The following CDH4 variants were observed in gnomAD, a reference collection of about 807,000 sequenced individuals.
The protein encoded by CDH4 is cadherin-4.
In CDH4, 33 loss-of-function variants were observed where a neutral mutation model predicts 86.0. The ratio of observed to expected loss-of-function variants is 0.38; its 90% CI spans 0.29 to 0.51. CDH4 has a LOEUF of 0.51. Ranked by LOEUF, CDH4 falls within the 20% of genes least tolerant of loss-of-function variation. CDH4 has a pLI of 0.86. For synonymous variants in CDH4, 555 were observed against 549.4 expected, an observed-to-expected ratio of 1.01 and a Z score of -0.14; for missense variants, 1,114 against 1,307.4, an observed-to-expected ratio of 0.85 and a Z score of 2.28.
intron 2 of CDH4, among the ~76,000 whole-genome samples, chr20:61,741,112 G>A (rs2088326966): frequency 6.6e-6 from 1 of 152,192 alleles, no homozygotes; most frequent in Non-Finnish European, 1.5e-5. Flanking sequence ...GGGAGGCTGA[G>A]GCAGAAGAAT....
chr20:61,317,156 A>G (rs1481054680), intron 2 of CDH4, among the ~76,000 whole-genome samples: 1 of 152,020 alleles, frequency 6.6e-6, no homozygotes, highest in Non-Finnish European at 1.5e-5. Flanking sequence ...AGGTGGGTGG[A>G]TCACGAGGTG....
At chr20:61,924,261 A>T in intron 10 of CDH4, 73 bp from the exon 11 acceptor site, 1 of 1,478,446 alleles carries the variant, frequency 6.8e-7, no homozygotes, top group Non-Finnish European at 9.3e-7. Context: ...AGGTGTGGCC[A>T]AGGAGGCCTG....
chr20:61,654,135 A>G (rs2145821162), intron 2 of CDH4, among the ~76,000 whole-genome samples: 1 of 152,280 alleles, frequency 6.6e-6, no homozygotes, highest in African/African-American at 2.4e-5. Flanking sequence ...CCTGGGCACC[A>G]TTGAGCACTG....
At chr20:61,375,937 G>GTTTGTTGA (rs1568819218) in intron 2 of CDH4, among the ~76,000 whole-genome samples, 1 of 12,008 alleles carries the variant, frequency 8.3e-5, no homozygotes. Flanking sequence ...GGTGATGATG[G>GTTTGTTGA]TGGTGCTGGT....
At chr20:61,607,792 C>G (rs2086656530) in intron 2 of CDH4, among the ~76,000 whole-genome samples, 1 of 152,186 alleles carries the variant, frequency 6.6e-6, no homozygotes, top group Non-Finnish European at 1.5e-5. Flanking sequence ...GGGAAGGTTT[C>G]TGCAGGAATA....
At chr20:61,592,129 C>T (rs1290732574) in intron 2 of CDH4, among the ~76,000 whole-genome samples, 1 of 151,990 alleles carries the variant, frequency 6.6e-6, no homozygotes, top group East Asian at 1.9e-4. Context: ...CAACTCAAAA[C>T]AGTGGTTCAG....
intron 3 of CDH4, among the ~76,000 whole-genome samples, chr20:61,752,329 CAAAAAAAAAAAA>C (rs34828485): frequency 1.2e-5 from 1 of 83,144 alleles, no homozygotes; most frequent in East Asian, 3.5e-4. Flanking sequence ...AAAAGCCTGT[CAAAAAAAAAAAA>C]AAAAAAAAAG....
At chr20:61,553,639 C>G (rs1226685871) in intron 2 of CDH4, among the ~76,000 whole-genome samples, 1 of 152,212 alleles carries the variant, frequency 6.6e-6, no homozygotes. Context: ...TTCCAAATGG[C>G]AGCACAGATA....
At chr20:61,867,561 AAG>A (rs33910207) in intron 6 of CDH4, among the ~76,000 whole-genome samples, 20,447 of 141,928 alleles carry the variant, frequency 0.14, 1,573 homozygotes, top group East Asian at 0.25. Flanking sequence ...AAAAAAAAAA[AAG>A]AGAGAGAGAG....
rs116312928 is a variant in CDH4 at position 61,854,738 on chromosome 20, C to T, written c.877+1840C>T. On this transcript the variant is annotated intron_variant, in intron 6 of 15. Transcript: ENST00000614565. ...AACAGGGTGAATTGTGCCCTTGGTC[C>T]GTCCCCAGGGCTGTAGTGTGAACAG... 2.7e-3 allele frequency among the ~76,000 whole-genome samples: 379 copies of T among 139,354 alleles called. 5 individuals carry two copies. The highest frequency in any genetic ancestry group is 0.01 in the African/African-American group (364 of 36,248). The allele number at this position is 139,354 out of a possible 152,430, so 91.4% of individuals were successfully genotyped here.
At chr20:61,254,700 A>C in intron 1 of CDH4, 126 bp from the exon 2 acceptor site, 1 of 703,566 alleles carries the variant, frequency 1.4e-6, no homozygotes, top group South Asian at 1.6e-5. Flanking sequence ...GTCTGGGTGG[A>C]GACGGTGGCC....
intron 7 of CDH4, among the ~76,000 whole-genome samples, chr20:61,893,054 TAGAG>T (rs1194232278): frequency 1.5e-5 from 2 of 130,260 alleles, no homozygotes; most frequent in African/African-American, 3.0e-5. Context: ...GGTGGGTGAA[TAGAG>T]AGATAGATGG....
intron 2 of CDH4, among the ~76,000 whole-genome samples, chr20:61,701,728 G>C (rs1426148615): frequency 6.6e-6 from 1 of 152,256 alleles, no homozygotes. Flanking sequence ...CTGGAACCTC[G>C]GTTCGGCTCA....
At chr20:61,799,455 G>T (rs896102297) in intron 4 of CDH4, among the ~76,000 whole-genome samples, 1 of 152,174 alleles carries the variant, frequency 6.6e-6, no homozygotes, top group Non-Finnish European at 1.5e-5. Flanking sequence ...TTTTAGAGTC[G>T]ATCTTTGTGC....
chr20:61,520,789 C>G (rs563729219), intron 2 of CDH4, among the ~76,000 whole-genome samples: 1 of 152,350 alleles, frequency 6.6e-6, no homozygotes, highest in African/African-American at 2.4e-5. Flanking sequence ...TATTAGAGGT[C>G]TTTAACCTGA....
rs6061342 is a variant in CDH4 at position 61,740,172 on chromosome 20, C to T, written c.170-3391C>T. 1.5e-3 allele frequency among the ~76,000 whole-genome samples: 231 copies of T among 152,268 alleles called. 3 individuals are homozygous for T. The highest frequency in any genetic ancestry group is 5.3e-3 in the African/African-American group (219 of 41,566). On this transcript the variant is annotated intron_variant, in intron 2 of 15. Transcript: ENST00000614565. Reference sequence around the variant, plus strand: ...AATGTCTCAGCATTGTTAGAAAAGCCAGCTACGGTACTGCCTCTGAGCTTC... The same window carrying T: ...AATGTCTCAGCATTGTTAGAAAAGCTAGCTACGGTACTGCCTCTGAGCTTC...
At chr20:61,561,595 T>C (rs2086216957) in intron 2 of CDH4, among the ~76,000 whole-genome samples, 1 of 152,338 alleles carries the variant, frequency 6.6e-6, no homozygotes, top group African/African-American at 2.4e-5. Flanking sequence ...CCAGTAAAGG[T>C]AGACTGTGGC....
At chr20:61,714,640 A>G (rs533941780) in intron 2 of CDH4, among the ~76,000 whole-genome samples, 18 of 152,286 alleles carry the variant, frequency 1.2e-4, no homozygotes, top group Middle Eastern at 3.4e-3. Context: ...GCTCCCACTT[A>G]CAAGTGAGGA....
chr20:61,516,021 C>G lies in CDH4; in HGVS notation c.170-227542C>G, dbSNP rs1246628145. On this transcript the variant is annotated intron_variant, in intron 2 of 15. Coordinates refer to ENST00000614565, the MANE Select transcript of CDH4 (RefSeq NM_001794.5). The surrounding 1 kb of genome is among the most constrained non-coding windows in gnomAD (Gnocchi z 4.0). Reference sequence around the variant, plus strand: ...GCAGAACTTCTCCAGCCCCATCTTCCCCTGGGCTCTGGAACGCCCCCCCAA... The same window carrying G: ...GCAGAACTTCTCCAGCCCCATCTTCGCCTGGGCTCTGGAACGCCCCCCCAA... 6.6e-6 allele frequency among the ~76,000 whole-genome samples: 1 copy of G among 152,120 alleles called. No individual in the cohort carries two copies. The highest frequency in any genetic ancestry group is 2.4e-5 in the African/African-American group (1 of 41,416).
Sources: allele counts gnomAD v4.1 joint callset (sites outside exome capture counted in the v4.1 genomes callset), GRCh38; gene constraint gnomAD v4.1.1; non-coding constraint Gnocchi (gnomAD v3.1); transcripts MANE v1.5; gene names NCBI Gene and HGNC (gene_info 2026-07-23, HGNC 2026-07-21).